The following NPNT variants were observed in gnomAD, a reference collection of about 807,000 sequenced individuals.
NPNT encodes the protein nephronectin.
NPNT carries 45 observed loss-of-function variants against 68.6 expected under a neutral mutation model. The observed-to-expected ratio is 0.66, with a 90% CI of 0.52 to 0.84. NPNT has a LOEUF of 0.84. NPNT is among the 40% of genes least tolerant of loss of function. The pLI is 0.00. For missense variants in NPNT, 672 were observed against 714.8 expected (o/e 0.94, Z 0.68); for synonymous variants, 233 against 253.3 (o/e 0.92, Z 0.76).
chr4:105,936,425 A>T (rs1729496576), intron 3 of NPNT, among the ~76,000 whole-genome samples: 2 of 129,188 alleles, frequency 1.5e-5, no homozygotes, highest in South Asian at 6.1e-4. Context: ...ATCCTCTGAA[A>T]ATATAGCCTA....
intron 2 of NPNT, among the ~76,000 whole-genome samples, chr4:105,922,540 A>G (rs1728335747): frequency 6.6e-6 from 1 of 151,796 alleles, no homozygotes; most frequent in Non-Finnish European, 1.5e-5. Context: ...GCCCACCACC[A>G]CACCTGGCTA....
chr4:105,955,059 G>A (rs1731111441), intron 8 of NPNT, among the ~76,000 whole-genome samples: 1 of 152,158 alleles, frequency 6.6e-6, no homozygotes, highest in Non-Finnish European at 1.5e-5. Context: ...ATGGACAGAT[G>A]GTGGAGGAAT....
At position 105,940,588 on chromosome 4, in the gene NPNT, A is replaced by G; in HGVS notation, c.715A>G (p.Lys239Glu). ...ARCYNIRGSY[K>E]CKCKEGYQGD... ...ATGTTATAACATACGTGGGTCCTACAAGTGCAAATGTAAAGAAGGATACCA... is the reference window on the plus strand; with the variant it reads ...ATGTTATAACATACGTGGGTCCTACGAGTGCAAATGTAAAGAAGGATACCA... Residue 239 changes from lysine to glutamate, a missense_variant, in exon 7 of 12, where the codon AAG becomes GAG. Coordinates refer to ENST00000379987, the MANE Select transcript of NPNT (RefSeq NM_001033047.3). 1 of 1,613,350 alleles carries G rather than the reference A, an allele frequency of 6.2e-7. No homozygotes were observed. The highest frequency in any genetic ancestry group is 8.5e-7 in the Non-Finnish European group (1 of 1,179,376).
intron 2 of NPNT, among the ~76,000 whole-genome samples, chr4:105,908,029 G>C (rs969777520): frequency 2.6e-5 from 4 of 152,046 alleles, no homozygotes; most frequent in Admixed American, 1.3e-4. Context: ...TAAACAGCCT[G>C]CTGAAATACT....
At chr4:105,913,948 T>G (rs961822036) in intron 2 of NPNT, among the ~76,000 whole-genome samples, 2 of 152,124 alleles carry the variant, frequency 1.3e-5, no homozygotes, top group Non-Finnish European at 2.9e-5. Flanking sequence ...CTGTAATTTA[T>G]CCGTATAATT....
At chr4:105,953,226 A>T (rs1402960249) in intron 8 of NPNT, among the ~76,000 whole-genome samples, 1 of 152,168 alleles carries the variant, frequency 6.6e-6, no homozygotes, top group African/African-American at 2.4e-5. Flanking sequence ...AAACTTTATT[A>T]AAAGTTCCTA....
chr4:105,938,650 T>C (rs1050034693), intron 5 of NPNT, among the ~76,000 whole-genome samples: 6 of 152,232 alleles, frequency 3.9e-5, no homozygotes, highest in African/African-American at 1.4e-4. Flanking sequence ...GGGAACCCTA[T>C]GTGCAAAGAC....
At chr4:105,938,027 T>C (rs1278558566) in intron 4 of NPNT, among the ~76,000 whole-genome samples, 4 of 152,210 alleles carry the variant, frequency 2.6e-5, no homozygotes, top group African/African-American at 9.6e-5. Flanking sequence ...GAATAGCGTT[T>C]AGCTTGAGTA....
chr4:105,898,098 C>T (rs1331692011), intron 2 of NPNT, 97 bp downstream of exon 2: 12 of 799,268 alleles, frequency 1.5e-5, no homozygotes, highest in Admixed American at 2.9e-5. Flanking sequence ...CATTACTGAG[C>T]AAGGCTTGGC....
Position 105,970,130 on chromosome 4 carries a change from T to C in NPNT, c.*1140T>C, listed in dbSNP as rs1732466290. 4.7e-6 allele frequency: 2 copies of C among 423,254 alleles called. No individual in the cohort carries two copies. The highest frequency in any genetic ancestry group is 4.1e-5 in the East Asian group (1 of 24,522). The allele number at this position is 423,254 out of a possible 1,614,324, so 26.2% of individuals were successfully genotyped here. On this transcript the variant is annotated 3_prime_UTR_variant, in exon 12 of 12. Coordinates refer to ENST00000379987, the MANE Select transcript of NPNT (RefSeq NM_001033047.3). The stretch of plus-strand genomic sequence containing the variant: ...TGTAGTTCATAACTTATGTTGCTCA[T>C]GTTGTGCTGTGTCAGGATGGGATAG...
At chr4:105,897,210 T>G (rs1157927881) in intron 1 of NPNT, among the ~76,000 whole-genome samples, 2 of 152,222 alleles carry the variant, frequency 1.3e-5, no homozygotes, top group Admixed American at 6.5e-5. Flanking sequence ...ATTACTTTCT[T>G]TAGGCATTAT....
intron 1 of NPNT, 152 bp downstream of exon 1, chr4:105,895,875 G>T: frequency 1.5e-6 from 1 of 673,702 alleles, no homozygotes; most frequent in South Asian, 1.9e-5. Flanking sequence ...CGAGGAGAGC[G>T]GTCCAGCGGC....
intron 8 of NPNT, among the ~76,000 whole-genome samples, chr4:105,943,788 C>T (rs1320314579): frequency 1.3e-5 from 2 of 152,040 alleles, no homozygotes; most frequent in Non-Finnish European, 2.9e-5. Flanking sequence ...AAAGTTTGTG[C>T]CTTTTATATT....
intron 2 of NPNT, among the ~76,000 whole-genome samples, chr4:105,906,522 A>G (rs1726912458): frequency 2.6e-5 from 4 of 152,230 alleles, no homozygotes; most frequent in Admixed American, 2.6e-4. Flanking sequence ...TACAGCCCAG[A>G]ATATCTAGCT....
In NPNT at chr4:105,967,191, G is replaced by T; in HGVS notation, c.1349G>T (p.Gly450Val). ...HWEPIRDPAG[G>V]QYLTVSAAKA... ...AGCCCTGCTTTTCCCATTCCAGGTG[G>T]ACAATATCTGACAGTGTCGGCAGCC... Residue 450 changes from glycine to valine, a missense_variant, in exon 11 of 12, where the codon GGA becomes GTA. Coordinates refer to ENST00000379987, the MANE Select transcript of NPNT (RefSeq NM_001033047.3). 1 of 1,613,540 alleles carries T rather than the reference G, an allele frequency of 6.2e-7. No individual in the cohort carries two copies. Among genetic ancestry groups the T allele is most frequent in the South Asian group, 1.1e-5 (1 of 91,012 alleles).
At chr4:105,950,597 C>A (rs1730746890) in intron 8 of NPNT, among the ~76,000 whole-genome samples, 1 of 152,022 alleles carries the variant, frequency 6.6e-6, no homozygotes, top group South Asian at 2.1e-4. Flanking sequence ...ACCACCACAC[C>A]CAGCTAATTT....
chr4:105,897,359 T>C (rs1407850170), intron 1 of NPNT, among the ~76,000 whole-genome samples: 2 of 152,208 alleles, frequency 1.3e-5, no homozygotes, highest in Admixed American at 6.5e-5. Context: ...GTTTTTTTTG[T>C]TTCTGCCACA....
chr4:105,927,159 CAT>C (rs971977120), intron 2 of NPNT, 175 bp from the exon 3 acceptor site: 15 of 474,944 alleles, frequency 3.2e-5, no homozygotes, highest in Middle Eastern at 4.1e-4. Context: ...ATACATAACA[CAT>C]GTGTGTGTGT....
Position 105,895,608 on chromosome 4 carries a change from T to A in NPNT, c.-45T>A. On this transcript the variant is annotated 5_prime_UTR_variant, in exon 1 of 12. Coordinates refer to ENST00000379987, the MANE Select transcript of NPNT (RefSeq NM_001033047.3). ...CATCGGCGCCCACCACCCCAACCTGTTCCTCGCGCGCCACTGCGCTGCGCC... is the reference window on the plus strand; with the variant it reads ...CATCGGCGCCCACCACCCCAACCTGATCCTCGCGCGCCACTGCGCTGCGCC... 1 of 1,517,556 alleles carries A rather than the reference T, an allele frequency of 6.6e-7. No homozygotes were observed. The highest frequency in any genetic ancestry group is 1.2e-5 in the South Asian group (1 of 83,126). 94.0% of individuals were successfully genotyped at this position (1,517,556 alleles called of 1,614,324 possible).
Sources: gnomAD v4.1 joint callset for allele counts (sites outside exome capture counted in the v4.1 genomes callset) on GRCh38, gnomAD v4.1.1 for gene constraint, MANE v1.5 for transcripts, NCBI Gene and HGNC (gene_info 2026-07-23, HGNC 2026-07-21) for gene names.